The following CHID1 variants were observed in gnomAD, a reference collection of about 807,000 sequenced individuals.
CHID1 encodes the protein chitinase domain-containing protein 1.
A neutral mutation model predicts 55.4 loss-of-function variants in CHID1; 44 were observed. The ratio of observed to expected loss-of-function variants is 0.79; its 90% confidence interval spans 0.62 to 1.02. CHID1 has a LOEUF of 1.02. Ranked by LOEUF, CHID1 falls within the 50% of genes least tolerant of loss-of-function variation. CHID1 has a pLI of 0.00. For missense variants in CHID1, 491 were observed against 515.3 expected (o/e 0.95, Z 0.46); for synonymous variants, 216 against 212.9 (o/e 1.01, Z -0.13).
intron 1 of CHID1, among the ~76,000 whole-genome samples, chr11:908,822 G>A (rs1033618638): frequency 3.3e-5 from 5 of 152,180 alleles, no homozygotes; most frequent in Non-Finnish European, 7.3e-5. Flanking sequence ...CACCCACCTA[G>A]TGGCCCCTCT....
rs370892544 is a variant in CHID1 at position 897,750 on chromosome 11, G to A, written c.608+1590C>T. On this transcript the variant is annotated intron_variant, in intron 7 of 12. Transcript: ENST00000323578. ...AGGGAAGCAGACAGAGGAGCCTCTT[G>A]GACACATCCGGTGGGGGGCACACTG... Among the ~76,000 whole-genome samples, 22 of 152,374 alleles carry A rather than the reference G, an allele frequency of 1.4e-4. 1 individual carries two copies. The East Asian group carries it at 1.9e-3, about 13-fold the overall frequency.
At chr11:880,268 G>A (rs944203431) in intron 10 of CHID1, among the ~76,000 whole-genome samples, 30 of 152,222 alleles carry the variant, frequency 2.0e-4, no homozygotes, top group Admixed American at 1.5e-3. Flanking sequence ...CAGGCTCTTC[G>A]CCCCGCCTGA....
intron 1 of CHID1, among the ~76,000 whole-genome samples, chr11:909,628 A>G (rs1014245849): frequency 1.8e-4 from 27 of 152,258 alleles, no homozygotes; most frequent in African/African-American, 6.5e-4. Flanking sequence ...GCATGTGTGT[A>G]CATGTGTAGA....
chr11:908,237 G>C (rs1397580800), intron 1 of CHID1: 1 of 152,374 alleles, frequency 6.6e-6, no homozygotes, highest in Non-Finnish European at 1.5e-5. Context: ...GCAGCACCCA[G>C]TACATGGAGC....
At chr11:898,769 C>T (rs556591336) in intron 7 of CHID1, among the ~76,000 whole-genome samples, 8 of 152,292 alleles carry the variant, frequency 5.3e-5, no homozygotes, top group South Asian at 2.1e-4. Context: ...TGGGAACCCG[C>T]GAGGGTCATG....
At chr11:904,683 T>C (rs1477989616) in intron 2 of CHID1, 23 bp downstream of exon 2, 1 of 1,613,786 alleles carries the variant, frequency 6.2e-7, no homozygotes, top group Non-Finnish European at 8.5e-7. Context: ...TACAGTCACC[T>C]CAAGTCCCCA....
At position 905,725 on chromosome 11, in the gene CHID1, T is replaced by C. The variant is rs552092730; in HGVS notation, c.-43-866A>G. Among the ~76,000 whole-genome samples the C allele has an allele frequency of 7.2e-5, 11 of 152,092 alleles. No individual in the cohort carries two copies. The South Asian group carries it at 2.1e-3, about 29-fold the overall frequency. On this transcript the variant is annotated intron_variant, in intron 1 of 12. Coordinates refer to ENST00000323578, the MANE Select transcript of CHID1 (RefSeq NM_023947.4). ...GAGAAGCCTACGATAATAACGATGA[T>C]GGTGGTGATGCCACGTTAAGTACTA...
At chr11:881,109 ATGGAAGACGTAAAGGGGACCC>A (rs2134159177) in intron 10 of CHID1, among the ~76,000 whole-genome samples, 1 of 152,252 alleles carries the variant, frequency 6.6e-6, no homozygotes, top group Admixed American at 6.5e-5. Flanking sequence ...TAGTAGAGAC[ATGGAAGACGTAAAGGGGACCC>A]CAAGCAAGCC....
intron 3 of CHID1, 131 bp downstream of exon 3, chr11:902,831 C>T (rs1026250776): frequency 3.7e-5 from 31 of 842,930 alleles, no homozygotes; most frequent in Non-Finnish European, 4.4e-5. Context: ...CGTAGCCTCA[C>T]AGCAGCAGCA....
chr11:909,665 C>G lies in CHID1; in HGVS notation c.-44+1110G>C, dbSNP rs149344723. Among the ~76,000 whole-genome samples, 796 of 151,890 alleles carry G rather than the reference C, an allele frequency of 5.2e-3. 6 individuals are homozygous for G. Among genetic ancestry groups the G allele is most frequent in the African/African-American group, 0.018 (747 of 41,392 alleles). On this transcript the variant is annotated intron_variant, in intron 1 of 12. Transcript: ENST00000323578. ...CGACAGCAGCCAATCAGAGCTAACTCTATTCTGCGATGGACGCACTGACAA... is the reference window on the plus strand; with the variant it reads ...CGACAGCAGCCAATCAGAGCTAACTGTATTCTGCGATGGACGCACTGACAA...
chr11:893,423 T>G lies in CHID1; in HGVS notation c.701+4A>C. 6.5e-7 allele frequency: 1 copy of G among 1,548,588 alleles called. No homozygotes were observed. The highest frequency in any genetic ancestry group is 2.4e-5 in the East Asian group (1 of 41,226). ...CACCCCCACATCTCAAGAGCGGCACTTACCCGGGGGTGATGGCAGGCGGGA... is the reference window on the plus strand; with the variant it reads ...CACCCCCACATCTCAAGAGCGGCACGTACCCGGGGGTGATGGCAGGCGGGA... On this transcript the variant is annotated splice_donor_region_variant and intron_variant, in intron 8 of 12. Transcript: ENST00000323578.
rs750014050 is a variant in CHID1, at chr11:869,975, G to A, written c.1084-19C>T. 1.3e-5 allele frequency: 21 copies of A among 1,611,560 alleles called. No individual in the cohort carries two copies. The highest frequency in any genetic ancestry group is 1.7e-5 in the Non-Finnish European group (20 of 1,179,060). On this transcript the variant is annotated intron_variant, in intron 12 of 12. Transcript: ENST00000323578. ...GCAGGGACTGGGCACAGATGGAGGT[G>A]TGAGCACCTGCTGGGGCCTGTCCCC...
At chr11:887,694 A>T (rs935760161) in intron 8 of CHID1, among the ~76,000 whole-genome samples, 4 of 152,072 alleles carry the variant, frequency 2.6e-5, no homozygotes, top group Non-Finnish European at 5.9e-5. Flanking sequence ...TGTGCCCATG[A>T]TGCCCTTCCA....
In CHID1 at chr11:880,945, G is replaced by C. The variant is rs533750464; in HGVS notation, c.959+2203C>G. On this transcript the variant is annotated intron_variant, in intron 10 of 12. Coordinates refer to ENST00000323578, the MANE Select transcript of CHID1 (RefSeq NM_023947.4). The stretch of plus-strand genomic sequence containing the variant: ...CATGGTAAAATTCGCAATGCCTCAG[G>C]CATCAACCCGAGAGTACCAGGCCCA... Among the ~76,000 whole-genome samples, 10 of 152,280 alleles carry C rather than the reference G, an allele frequency of 6.6e-5. No individual in the cohort carries two copies. The South Asian group carries it at 2.1e-3, about 32-fold the overall frequency.
chr11:910,740 G>A (rs1852611364), intron 1 of CHID1, 35 bp downstream of exon 1: 1 of 1,220,796 alleles, frequency 8.2e-7, no homozygotes. Flanking sequence ...GCCGTGCAAG[G>A]AGGAGGAGCA....
chr11:870,473 C>G lies in CHID1; in HGVS notation c.986G>C (p.Arg329Thr). 1 of 1,611,756 alleles carries G rather than the reference C, an allele frequency of 6.2e-7. No homozygotes were observed. Among genetic ancestry groups the G allele is most frequent in the Non-Finnish European group, 8.5e-7 (1 of 1,179,204 alleles). ...ARYIQTLKDH[R>T]PRMVWDSQAS... The stretch of plus-strand genomic sequence containing the variant: ...CTGGCTGTCCCACACCATCCGGGGC[C>G]TGTGGTCCTTCAGTGTCTGGATGTA... Residue 329 changes from arginine to threonine, a missense_variant, in exon 11 of 13, where the codon AGG (arginine) becomes ACG (threonine). Transcript: ENST00000323578.
intron 8 of CHID1, among the ~76,000 whole-genome samples, chr11:892,200 C>A (rs1193193165): frequency 6.6e-6 from 1 of 152,218 alleles, no homozygotes; most frequent in African/African-American, 2.4e-5. Flanking sequence ...TGGACTTGGG[C>A]CCGTTATTGC....
At chr11:897,888 C>G (rs1851496202) in intron 7 of CHID1, among the ~76,000 whole-genome samples, 1 of 152,038 alleles carries the variant, frequency 6.6e-6, no homozygotes, top group African/African-American at 2.4e-5. Flanking sequence ...AGTGGGGAAC[C>G]ACACTGAGGG....
intron 10 of CHID1, among the ~76,000 whole-genome samples, chr11:871,377 C>T (rs571708981): frequency 4.7e-4 from 71 of 152,136 alleles, no homozygotes; most frequent in Non-Finnish European, 9.0e-4. Context: ...CTCCTGAGCA[C>T]CAAGAGTCAG....
Sources: allele counts gnomAD v4.1 joint callset (sites outside exome capture counted in the v4.1 genomes callset), GRCh38; gene constraint gnomAD v4.1.1; transcripts MANE v1.5; gene names NCBI Gene and HGNC (gene_info 2026-07-23, HGNC 2026-07-21).